Variants in SIPA1L1 observed in about 807,000 individuals in gnomAD.
The protein encoded by SIPA1L1 is signal induced proliferation associated 1 like 1.
A neutral mutation model predicts 162.7 loss-of-function variants in SIPA1L1; 26 were observed. That is an observed-to-expected ratio of 0.16 (90% CI 0.12 to 0.22). The LOEUF (loss-of-function observed/expected upper bound fraction) is 0.22. Ranked by LOEUF, SIPA1L1 falls within the 10% of genes least tolerant of loss-of-function variation. The pLI is 1.00. For synonymous variants in SIPA1L1, 829 were observed against 837.4 expected (o/e 0.99, Z 0.17); for missense variants, 1,874 against 2,241.0 (o/e 0.84, Z 3.31).
chr14:71,512,329 G>A (rs2051226677), intron 2 of SIPA1L1, among the ~76,000 whole-genome samples: 1 of 152,086 alleles, frequency 6.6e-6, no homozygotes, highest in Non-Finnish European at 1.5e-5. Context: ...GACAGATAAA[G>A]GAGGAAATGG....
chr14:71,542,879 C>T (rs2054606172), intron 4 of SIPA1L1, among the ~76,000 whole-genome samples: 1 of 151,734 alleles, frequency 6.6e-6, no homozygotes, highest in Non-Finnish European at 1.5e-5. Flanking sequence ...CCTCTGTGCC[C>T]TGCCCCTTCA....
At chr14:71,687,201 G>A (rs1045780047) in intron 13 of SIPA1L1, among the ~76,000 whole-genome samples, 3 of 152,178 alleles carry the variant, frequency 2.0e-5, no homozygotes, top group Non-Finnish European at 4.4e-5. Flanking sequence ...TGTTTACAGA[G>A]CCTTGCTATT....
In SIPA1L1 at chr14:71,650,584, G is replaced by A. The variant is rs575556322; in HGVS notation, c.1993+75G>A. 1.2e-4 allele frequency: 167 copies of A among 1,394,040 alleles called. 1 individual carries two copies. Among genetic ancestry groups the A allele is most frequent in the Admixed American group, 6.5e-4 (37 of 56,690 alleles). The allele number at this position is 1,394,040 out of a possible 1,614,324, so 86.4% of individuals were successfully genotyped here. On this transcript the variant is annotated intron_variant, in intron 8 of 23. Transcript: ENST00000381232. ...CTGTTGTGCATCTGCTAAATTATCC[G>A]TAAAGCAACATTGCCATTTATCGCA...
In SIPA1L1 at chr14:71,373,092, A is replaced by C. The variant is rs922993335; in HGVS notation, c.-465+51911A>C. On this transcript the variant is annotated intron_variant, in intron 2 of 23. Transcript: ENST00000381232. ...TTTGGGAGGCCGATGCAGGCGGATC[A>C]TGAGGTCAGGAGATCGAGACCATCC... 8.6e-5 allele frequency among the ~76,000 whole-genome samples: 13 copies of C among 151,762 alleles called. 1 individual carries two copies. The highest frequency in any genetic ancestry group is 1.6e-4 in the Non-Finnish European group (11 of 67,970).
intron 2 of SIPA1L1, among the ~76,000 whole-genome samples, chr14:71,347,669 A>T (rs1370972174): frequency 6.6e-6 from 1 of 152,276 alleles, no homozygotes; most frequent in East Asian, 1.9e-4. Flanking sequence ...CTTTGCCAAC[A>T]CTTGTTACTG....
intron 2 of SIPA1L1, among the ~76,000 whole-genome samples, chr14:71,394,407 T>C (rs1483349344): frequency 6.6e-6 from 1 of 152,262 alleles, no homozygotes; most frequent in Non-Finnish European, 1.5e-5. Context: ...CAGAATATTA[T>C]GTCATTCATC....
At chr14:71,687,800 C>T (rs997370665) in intron 13 of SIPA1L1, among the ~76,000 whole-genome samples, 3 of 152,158 alleles carry the variant, frequency 2.0e-5, no homozygotes, top group African/African-American at 7.2e-5. Context: ...GTAAGTGCGC[C>T]TTCTAGAAGA....
intron 2 of SIPA1L1, among the ~76,000 whole-genome samples, chr14:71,419,647 G>A (rs1269344592): frequency 2.6e-5 from 4 of 151,020 alleles, no homozygotes; most frequent in Admixed American, 1.3e-4. Flanking sequence ...ACAGGTGCCC[G>A]CCACCACGCC....
chr14:71,387,052 C>T (rs761727256), intron 2 of SIPA1L1, among the ~76,000 whole-genome samples: 13 of 152,078 alleles, frequency 8.5e-5, no homozygotes, highest in Non-Finnish European at 1.0e-4. Context: ...AGTTCGAGAC[C>T]GGCCTGACCA....
At chr14:71,610,576 A>G (rs2038092133) in intron 5 of SIPA1L1, among the ~76,000 whole-genome samples, 2 of 152,324 alleles carry the variant, frequency 1.3e-5, no homozygotes, top group South Asian at 4.1e-4. Flanking sequence ...GCCATTTGTC[A>G]TAGACTGATA....
chr14:71,731,280 G>T (rs1663991053), intron 20 of SIPA1L1, among the ~76,000 whole-genome samples: 1 of 152,110 alleles, frequency 6.6e-6, no homozygotes. Flanking sequence ...CAGCAGCGCA[G>T]TCCCACCCAC....
intron 5 of SIPA1L1, chr14:71,598,285 T>C (rs945758193): frequency 6.4e-5 from 59 of 924,206 alleles, no homozygotes; most frequent in Non-Finnish European, 7.6e-5. Context: ...AGTGAATGAC[T>C]GTTTCAGGAG....
chr14:71,395,056 G>T (rs2041072654), intron 2 of SIPA1L1, among the ~76,000 whole-genome samples: 1 of 152,120 alleles, frequency 6.6e-6, no homozygotes, highest in East Asian at 1.9e-4. Context: ...AGTTATTTTG[G>T]TCTCTTAGTT....
chr14:71,659,953 A>C (rs562855450), intron 9 of SIPA1L1, among the ~76,000 whole-genome samples: 278 of 152,174 alleles, frequency 1.8e-3, no homozygotes, highest in African/African-American at 6.1e-3. Flanking sequence ...GGAAAAAAAA[A>C]CCAGGAAAAA....
chr14:71,719,501 G>C (rs1341700812), intron 17 of SIPA1L1, among the ~76,000 whole-genome samples: 2 of 152,142 alleles, frequency 1.3e-5, no homozygotes, highest in African/African-American at 2.4e-5. Context: ...GTCCTTCATT[G>C]TGGTTTTAAT....
rs1298414243 is a variant in SIPA1L1, at chr14:71,724,678, A to G, written c.4457A>G (p.Gln1486Arg). 3 of 1,612,216 alleles carry G rather than the reference A, an allele frequency of 1.9e-6. No individual in the cohort carries two copies. Among genetic ancestry groups the G allele is most frequent in the Non-Finnish European group, 2.5e-6 (3 of 1,179,512 alleles). Residue 1486 changes from glutamine (Q) to arginine (R), a missense_variant, in exon 19 of 24, where the codon CAG (glutamine) becomes CGG (arginine). This residue lies in a region of SIPA1L1 where 936 missense variants were observed against 1,051.9 expected (regional missense o/e 0.89). Transcript: ENST00000381232. ...TTCCCTTTTTTGTCCAGGCGTCATC[A>G]GAGCGATGGCAATGAAATAGCCCAC... The part of the protein sequence containing the change: ...VGFMDTRKRH[Q>R]SDGNEIAHTR...
chr14:71,656,530 C>T (rs186026846), intron 8 of SIPA1L1, among the ~76,000 whole-genome samples: 43 of 152,242 alleles, frequency 2.8e-4, no homozygotes, highest in Middle Eastern at 3.4e-3. Context: ...CAGTTGAATC[C>T]TTTGTTGTAG....
Position 71,587,858 on chromosome 14 carries a change from A to C in SIPA1L1, c.-15A>C. 3.1e-6 allele frequency: 5 copies of C among 1,592,754 alleles called. No individual in the cohort carries two copies. The highest frequency in any genetic ancestry group is 4.3e-6 in the Non-Finnish European group (5 of 1,163,440). On this transcript the variant is annotated 5_prime_UTR_variant, in exon 5 of 24. Transcript: ENST00000381232. ...GTCCTTGCTGCAGGGATTTAAGTCTACTTGCTTTTACATCATGACCAGCTT... is the reference window on the plus strand; with the variant it reads ...GTCCTTGCTGCAGGGATTTAAGTCTCCTTGCTTTTACATCATGACCAGCTT...
intron 8 of SIPA1L1, among the ~76,000 whole-genome samples, chr14:71,652,717 C>G (rs1385945329): frequency 2.8e-5 from 4 of 144,074 alleles, no homozygotes; most frequent in African/African-American, 2.6e-5. Context: ...TTGTGTTTTT[C>G]TTTTCTTCCA....
Sources: allele counts gnomAD v4.1 joint callset (sites outside exome capture counted in the v4.1 genomes callset), GRCh38; gene constraint gnomAD v4.1.1; regional missense constraint gnomAD v4.1.1; transcripts MANE v1.5; gene names NCBI Gene and HGNC (gene_info 2026-07-23, HGNC 2026-07-21).